Variants in CFAP47 observed in about 807,000 individuals in gnomAD.
The protein encoded by CFAP47 is cilia and flagella associated protein 47.
CFAP47 carries 29 observed loss-of-function variants against 148.1 expected under a neutral mutation model. The observed-to-expected ratio is 0.20, with a 90% CI of 0.15 to 0.27. The LOEUF is 0.27. Among genes scored for constraint, CFAP47 ranks in the 10% least tolerant of loss-of-function variants. The pLI, the probability that CFAP47 is intolerant of heterozygous loss-of-function variation, is 1.00. For synonymous variants in CFAP47, 664 were observed against 577.3 expected, an observed-to-expected ratio of 1.15 and a Z score of -2.15; for missense variants, 1,872 against 1,697.5, an observed-to-expected ratio of 1.10 and a Z score of -1.81.
chrX:36,085,567 A>G (rs375998753), intron 30 of CFAP47, 29 bp downstream of exon 30: 19 of 961,008 alleles, frequency 2.0e-5, no homozygotes, highest in Non-Finnish European at 2.6e-5. Flanking sequence ...TCATATAAGC[A>G]TATAACTCTG....
chrX:36,289,529 G>C (rs1556005245), intron 51 of CFAP47, among the ~76,000 whole-genome samples: 1 of 110,960 alleles, frequency 9.0e-6, no homozygotes, highest in East Asian at 2.8e-4. Flanking sequence ...TGAAGATGTA[G>C]CTAGGGAGGC....
rs1942057404 is a variant in CFAP47, at chrX:36,379,462, G to A, written c.9298G>A (p.Val3100Ile). 4 of 1,164,927 alleles carry A rather than the reference G, an allele frequency of 3.4e-6. No homozygotes were observed. The South Asian group carries it at 7.6e-5, about 22-fold the overall frequency. Reference protein sequence around the residue: ...PFNTNGTLITVGFKPKMYCRK... With the variant: ...PFNTNGTLITIGFKPKMYCRK... The stretch of plus-strand genomic sequence containing the variant: ...TAACACAAACGGAACTCTCATCACT[G>A]TAGGATTTAAACCTAAAATGTACTG... The change falls in exon 63 of 64, where the codon GTA becomes ATA. Residue 3100 changes from valine (V) to isoleucine (I), a missense_variant. Physicochemically the swap from Val to Ile is conservative, Grantham distance 29 (BLOSUM62 3). Coordinates refer to ENST00000378653, the MANE Select transcript of CFAP47 (RefSeq NM_001304548.2).
intron 13 of CFAP47, among the ~76,000 whole-genome samples, chrX:35,972,772 T>C (rs768893076): frequency 4.5e-5 from 5 of 111,698 alleles, no homozygotes; most frequent in Non-Finnish European, 9.4e-5. Context: ...AATTCCCCAG[T>C]TGATGGACAT....
intron 49 of CFAP47, among the ~76,000 whole-genome samples, chrX:36,268,784 T>C (rs1940925054): frequency 8.9e-6 from 1 of 112,120 alleles, no homozygotes; most frequent in South Asian, 3.7e-4. Context: ...TTTTCTCATG[T>C]AAGACATAAG....
rs1941354337 is a variant in CFAP47, at chrX:36,306,847, C to G, written c.8158C>G (p.Gln2720Glu). The G allele has an allele frequency of 8.7e-7, 1 of 1,148,822 alleles. No homozygotes were observed. The highest frequency in any genetic ancestry group is 2.6e-5 in the Admixed American group (1 of 37,948). The allele number at this position is 1,148,822 out of a possible 1,213,427, so 94.7% of individuals were successfully genotyped here. A position where few individuals can be genotyped will look rare whatever the true frequency, so the allele number is the denominator to read the frequency against. ...YPSALGRADH[Q>E]ACINFYCTQF... is the part of the protein sequence containing the mutation. ...TTCTGCACTTGGAAGAGCTGATCAT[C>G]AAGCTTGCATCAACTTCTACTGTAC... Residue 2720 changes from glutamine to glutamate, a missense_variant, in exon 55 of 64, where the codon CAA becomes GAA. Coordinates refer to ENST00000378653, the MANE Select transcript of CFAP47 (RefSeq NM_001304548.2).
At chrX:36,381,565 A>G (rs1942078023) in intron 63 of CFAP47, among the ~76,000 whole-genome samples, 1 of 111,273 alleles carries the variant, frequency 9.0e-6, no homozygotes, top group Non-Finnish European at 1.9e-5. Context: ...CATTCCATTA[A>G]ATCAAATTTA....
intron 38 of CFAP47, among the ~76,000 whole-genome samples, chrX:36,159,792 C>A (rs1939408161): frequency 9.0e-6 from 1 of 111,655 alleles, no homozygotes; most frequent in South Asian, 3.8e-4. Flanking sequence ...AAGGACTTTC[C>A]TGTTCTCTGG....
chrX:36,350,623 C>T (rs934579019), intron 59 of CFAP47, among the ~76,000 whole-genome samples: 2 of 111,107 alleles, frequency 1.8e-5, no homozygotes, highest in Non-Finnish European at 3.8e-5. Context: ...CCAGAATAAA[C>T]ACAATATAAA....
intron 2 of CFAP47, among the ~76,000 whole-genome samples, chrX:35,935,080 G>C (rs1333836289): frequency 1.8e-5 from 2 of 111,625 alleles, no homozygotes; most frequent in Admixed American, 1.9e-4. Flanking sequence ...TGGTGTCTTA[G>C]TAGGTTGTGT....
At chrX:36,112,524 T>C (rs893377775) in intron 33 of CFAP47, among the ~76,000 whole-genome samples, 1 of 111,728 alleles carries the variant, frequency 9.0e-6, no homozygotes, top group Non-Finnish European at 1.9e-5. Context: ...TGTCCAATTA[T>C]GTGATCGATT....
intron 57 of CFAP47, among the ~76,000 whole-genome samples, chrX:36,322,795 G>A (rs782398877): frequency 1.8e-4 from 20 of 111,085 alleles, no homozygotes; most frequent in Non-Finnish European, 3.2e-4. Flanking sequence ...GTTTTTGACA[G>A]TTCATGATGT....
intron 51 of CFAP47, among the ~76,000 whole-genome samples, chrX:36,291,537 A>G (rs781908041): frequency 1.8e-5 from 2 of 110,704 alleles, no homozygotes; most frequent in South Asian, 7.7e-4. Context: ...TGAACTATTC[A>G]TGCCTCTGCC....
intron 59 of CFAP47, among the ~76,000 whole-genome samples, chrX:36,352,262 A>G (rs1941748619): frequency 9.0e-6 from 1 of 111,366 alleles, no homozygotes; most frequent in Admixed American, 9.6e-5. Flanking sequence ...ATGCCTTGAT[A>G]CCGAAGATAG....
chrX:36,269,882 A>G (rs1940937937), intron 49 of CFAP47, among the ~76,000 whole-genome samples: 1 of 111,845 alleles, frequency 8.9e-6, no homozygotes, highest in Non-Finnish European at 1.9e-5. Flanking sequence ...TATGCATTTC[A>G]AACATTGTAT....
intron 45 of CFAP47, among the ~76,000 whole-genome samples, chrX:36,206,317 A>G (rs1369827103): frequency 8.9e-6 from 1 of 111,891 alleles, no homozygotes; most frequent in East Asian, 2.8e-4. Flanking sequence ...TTGTTTTAGT[A>G]ACTTTTTAAT....
At chrX:36,273,258 A>C (rs1165139955) in intron 49 of CFAP47, among the ~76,000 whole-genome samples, 1 of 112,090 alleles carries the variant, frequency 8.9e-6, no homozygotes, top group African/African-American at 3.2e-5. Context: ...ATTAAAAAAG[A>C]CTTGTATACT....
chrX:35,969,462 C>T lies in CFAP47; in HGVS notation c.1815-1306C>T, dbSNP rs1601907585. 2.7e-5 allele frequency among the ~76,000 whole-genome samples: 3 copies of T among 111,145 alleles called. No individual in the cohort carries two copies. In the Middle Eastern group the frequency reaches 0.014, roughly 510 times the overall value. On this transcript the variant is annotated intron_variant, in intron 10 of 63. Coordinates refer to ENST00000378653, the MANE Select transcript of CFAP47 (RefSeq NM_001304548.2). ...ATAAATGAGGAAAAATATTTTATTT[C>T]CATAGTAATTTTTGTCCCCTGTTCT...
chrX:36,057,184 A>C (rs1461949934), intron 26 of CFAP47, among the ~76,000 whole-genome samples: 5 of 111,523 alleles, frequency 4.5e-5, no homozygotes, highest in Non-Finnish European at 9.4e-5. Context: ...TCTTTTTTAC[A>C]TGCTGTATGC....
At chrX:36,005,393 T>C (rs1022876251) in intron 21 of CFAP47, among the ~76,000 whole-genome samples, 1 of 112,089 alleles carries the variant, frequency 8.9e-6, no homozygotes, top group Non-Finnish European at 1.9e-5. Context: ...TCAGTTTTAC[T>C]CTTCAAAATA....
Sources: gnomAD v4.1 joint callset for allele counts (sites outside exome capture counted in the v4.1 genomes callset) on GRCh38, gnomAD v4.1.1 for gene constraint, MANE v1.5 for transcripts, NCBI Gene and HGNC (gene_info 2026-07-23, HGNC 2026-07-21) for gene names.